IGSF3: variants seen among roughly 807,000 people sequenced by gnomAD.
IGSF3 encodes immunoglobulin superfamily member 3, also known as glu-Trp-Ile EWI motif-containing protein 3.
A neutral mutation model predicts 114.4 loss-of-function variants in IGSF3; 23 were observed. That is an observed-to-expected ratio of 0.20 (90% CI 0.14 to 0.28). The LOEUF (loss-of-function observed/expected upper bound fraction) is 0.28. Ranked by LOEUF, IGSF3 falls within the 10% of genes least tolerant of loss-of-function variation. The probability of loss-of-function intolerance (pLI) is 1.00; values close to 1 mark genes in which losing one functional copy is unlikely to be tolerated. For synonymous variants in IGSF3, 571 were observed against 645.2 expected (o/e 0.88, Z 1.74); for missense variants, 1,172 against 1,591.5 (o/e 0.74, Z 4.48).
At chr1:116,586,904 T>C (rs1659869076) in intron 8 of IGSF3, among the ~76,000 whole-genome samples, 1 of 152,116 alleles carries the variant, frequency 6.6e-6, no homozygotes, top group Non-Finnish European at 1.5e-5. Context: ...TCAGGACATA[T>C]GTCACCGAAA....
chr1:116,640,192 A>G (rs1352198931), intron 2 of IGSF3, among the ~76,000 whole-genome samples: 1 of 152,246 alleles, frequency 6.6e-6, no homozygotes, highest in African/African-American at 2.4e-5. Flanking sequence ...AGTTTATCAG[A>G]AGATGGACAA....
chr1:116,589,391 TCTAG>T lies in IGSF3; in HGVS notation c.2030-291_2030-288del, dbSNP rs1235577636. On this transcript the variant is annotated intron_variant, in intron 7 of 10. Transcript: ENST00000369486. The surrounding 1 kb of genome is among the most constrained non-coding windows in gnomAD (Gnocchi z 5.7). The stretch of plus-strand genomic sequence containing the variant: ...AAGGGTGATCCTGCTGAAATACAAA[TCTAG>T]CTATATCAGGTCTCTGCTTGAAAAG... 2.0e-5 allele frequency among the ~76,000 whole-genome samples: 3 copies of T among 152,128 alleles called. No homozygotes were observed. The highest frequency in any genetic ancestry group is 2.0e-4 in the Admixed American group (3 of 15,290).
Position 116,647,507 on chromosome 1 carries a change from C to T in IGSF3, c.43+18777G>A, listed in dbSNP as rs1648433639. On this transcript the variant is annotated intron_variant, in intron 2 of 10. Transcript: ENST00000369486. This position sits in a 1 kb window ranked among gnomAD's most constrained non-coding sequence, Gnocchi z 4.6. ...ACAACCACCATTTATTGAGCCCTTACTATGTGCCAGACCGATGCTAAGTGC... is the reference window on the plus strand; with the variant it reads ...ACAACCACCATTTATTGAGCCCTTATTATGTGCCAGACCGATGCTAAGTGC... Among the ~76,000 whole-genome samples, 1 of 152,238 alleles carries T rather than the reference C, an allele frequency of 6.6e-6. No individual in the cohort carries two copies. Among genetic ancestry groups the T allele is most frequent in the Non-Finnish European group, 1.5e-5 (1 of 68,036 alleles).
At chr1:116,586,737 T>C (rs1659861242) in intron 8 of IGSF3, among the ~76,000 whole-genome samples, 1 of 152,086 alleles carries the variant, frequency 6.6e-6, no homozygotes, top group African/African-American at 2.4e-5. Flanking sequence ...AAAATGGTGA[T>C]GACTAGAGTG....
At position 116,664,759 on chromosome 1, in the gene IGSF3, CA is replaced by C. The variant is rs1399035240; in HGVS notation, c.43+1524del. Among the ~76,000 whole-genome samples, 2 of 152,222 alleles carry C rather than the reference CA, an allele frequency of 1.3e-5. No homozygotes were observed. Among genetic ancestry groups the C allele is most frequent in the Admixed American group, 1.3e-4 (2 of 15,284 alleles). ...GCCTGTATCCCAGCCCACAGCTGAA[CA>C]GAAGACTAACTAAACTACCAGCAGG... On this transcript the variant is annotated intron_variant, in intron 2 of 10. Coordinates refer to ENST00000369486, the MANE Select transcript of IGSF3 (RefSeq NM_001007237.3). This position sits in a 1 kb window ranked among gnomAD's most constrained non-coding sequence, Gnocchi z 4.6.
chr1:116,661,677 C>T lies in IGSF3; in HGVS notation c.43+4607G>A, dbSNP rs890270605. Among the ~76,000 whole-genome samples, 4 of 152,170 alleles carry T rather than the reference C, an allele frequency of 2.6e-5. No homozygotes were observed. Among genetic ancestry groups the T allele is most frequent in the African/African-American group, 7.2e-5 (3 of 41,442 alleles). On this transcript the variant is annotated intron_variant, in intron 2 of 10. Transcript: ENST00000369486. This position sits in a 1 kb window ranked among gnomAD's most constrained non-coding sequence, Gnocchi z 4.0. ...GTCCTGGCTTCAAAACCCTACTCTG[C>T]CACTTTTTAGCTTTGTGACTATGGC...
rs554191210 is a variant in IGSF3 at position 116,656,859 on chromosome 1, C to T, written c.43+9425G>A. On this transcript the variant is annotated intron_variant, in intron 2 of 10. Coordinates refer to ENST00000369486, the MANE Select transcript of IGSF3 (RefSeq NM_001007237.3). Reference sequence around the variant, plus strand: ...AGGAGAATCACTCAAACCCGGGAGGCGGAGGTTGCAGTGAGCCAAGATTGT... The same window carrying T: ...AGGAGAATCACTCAAACCCGGGAGGTGGAGGTTGCAGTGAGCCAAGATTGT... 2.6e-5 allele frequency among the ~76,000 whole-genome samples: 4 copies of T among 152,132 alleles called. No homozygotes were observed. The South Asian group carries it at 6.2e-4, about 24-fold the overall frequency.
chr1:116,667,295 G>T (rs1046598616), intron 1 of IGSF3, among the ~76,000 whole-genome samples: 4 of 152,190 alleles, frequency 2.6e-5, no homozygotes, highest in African/African-American at 9.6e-5. Context: ...CGCGACTCCC[G>T]GCCCCCGCCC....
At chr1:116,606,354 A>G in intron 5 of IGSF3, 1 of 1,066,558 alleles carries the variant, frequency 9.4e-7, no homozygotes, top group South Asian at 1.5e-5. Flanking sequence ...GGCCTCTACG[A>G]GGATTTGAGA....
intron 2 of IGSF3, among the ~76,000 whole-genome samples, chr1:116,626,729 A>G (rs1204698754): frequency 6.6e-6 from 1 of 151,996 alleles, no homozygotes; most frequent in Admixed American, 6.5e-5. Flanking sequence ...CCTATCGCTC[A>G]TTTCTTTGAC....
rs1316228616 is a variant in IGSF3 at position 116,633,682 on chromosome 1, G to C, written c.44-17225C>G. ...CCTTCTGTCTTCTCCCTTCCTTCTT[G>C]TCTACTAAACTCTCTGTGCCTTAGA... On this transcript the variant is annotated intron_variant, in intron 2 of 10. Coordinates refer to ENST00000369486, the MANE Select transcript of IGSF3 (RefSeq NM_001007237.3). This position sits in a 1 kb window ranked among gnomAD's most constrained non-coding sequence, Gnocchi z 4.3. 6.6e-6 allele frequency among the ~76,000 whole-genome samples: 1 copy of C among 152,004 alleles called. No individual in the cohort carries two copies. The highest frequency in any genetic ancestry group is 6.5e-5 in the Admixed American group (1 of 15,272).
chr1:116,622,311 A>G (rs551971153), intron 2 of IGSF3, among the ~76,000 whole-genome samples: 5 of 152,354 alleles, frequency 3.3e-5, no homozygotes, highest in Non-Finnish European at 5.9e-5. Flanking sequence ...AATACTGTGA[A>G]AGCCACCAAA....
In IGSF3 at chr1:116,666,439, T is replaced by G; in HGVS notation, c.-113A>C. 2.1e-6 allele frequency: 2 copies of G among 973,716 alleles called. No individual in the cohort carries two copies. Among genetic ancestry groups the G allele is most frequent in the Middle Eastern group, 4.2e-4 (2 of 4,786 alleles). The allele number at this position is 973,716 out of a possible 1,614,324, so 60.3% of individuals were successfully genotyped here. On this transcript the variant is annotated 5_prime_UTR_variant, in exon 2 of 11. Coordinates refer to ENST00000369486, the MANE Select transcript of IGSF3 (RefSeq NM_001007237.3). ...CAGAGAACAGTTTTGGAAATAGAAC[T>G]TAACTCGGAAAATGGGAACAGATTA... is the stretch of plus-strand genomic sequence containing the variant.
At chr1:116,590,939 G>A (rs553945163) in intron 7 of IGSF3, among the ~76,000 whole-genome samples, 3 of 152,288 alleles carry the variant, frequency 2.0e-5, no homozygotes, top group East Asian at 3.9e-4. Context: ...GCAGTAAATC[G>A]GACATTCTCT....
At chr1:116,580,604 C>T (rs923653449) in intron 9 of IGSF3, among the ~76,000 whole-genome samples, 3 of 152,258 alleles carry the variant, frequency 2.0e-5, no homozygotes, top group Non-Finnish European at 4.4e-5. Context: ...AGCAAGAAGG[C>T]GCCGTCTGCG....
Position 116,584,665 on chromosome 1 carries a change from G to C in IGSF3, c.2828C>G (p.Ala943Gly), listed in dbSNP as rs1352185322. 1 of 1,614,076 alleles carries C rather than the reference G, an allele frequency of 6.2e-7. No individual in the cohort carries two copies. Among genetic ancestry groups the C allele is most frequent in the Admixed American group, 1.7e-5 (1 of 60,014 alleles). Residue 943 changes from alanine to glycine, a missense_variant, in exon 9 of 11, where the codon GCT (alanine) becomes GGT (glycine). Transcript: ENST00000369486. The surrounding 1 kb of genome is among the most constrained non-coding windows in gnomAD (Gnocchi z 5.8). ...CTCACCTGGTCGCATGACTGTCAGA[G>C]CTGTCTGCCCAGCGGTGTCCTCTGC... ...KRAEDTAGQT[A>G]LTVMRPDASL... is the part of the protein sequence containing the mutation.
rs561250315 is a variant in IGSF3, at chr1:116,584,202, A to G, written c.2848+443T>C. Among the ~76,000 whole-genome samples the G allele has an allele frequency of 4.7e-4, 71 of 152,326 alleles. 2 individuals carry two copies. In the East Asian group the frequency reaches 0.011, roughly 24 times the overall value. ...CAGAGTGAGACTCCGTTTCAAAAAA[A>G]AAAAAGTATTGGGAAGTGACAGAGT... On this transcript the variant is annotated intron_variant, in intron 9 of 10. Coordinates refer to ENST00000369486, the MANE Select transcript of IGSF3 (RefSeq NM_001007237.3). This position sits in a 1 kb window ranked among gnomAD's most constrained non-coding sequence, Gnocchi z 5.8.
Position 116,577,978 on chromosome 1 carries a change from G to A in IGSF3, c.3335-416C>T, listed in dbSNP as rs1442252085. 6.6e-6 allele frequency among the ~76,000 whole-genome samples: 1 copy of A among 152,156 alleles called. No individual in the cohort carries two copies. The highest frequency in any genetic ancestry group is 1.5e-5 in the Non-Finnish European group (1 of 68,030). Reference sequence around the variant, plus strand: ...TACAGACTTCCTTCTCTGGGATTATGACACAATCCCTTCCTGCCAGCTTCT... The same window carrying A: ...TACAGACTTCCTTCTCTGGGATTATAACACAATCCCTTCCTGCCAGCTTCT... On this transcript the variant is annotated intron_variant, in intron 10 of 10. Transcript: ENST00000369486. This position sits in a 1 kb window ranked among gnomAD's most constrained non-coding sequence, Gnocchi z 5.7.
At position 116,588,888 on chromosome 1, in the gene IGSF3, C is replaced by T. The variant is rs748086811; in HGVS notation, c.2246G>A (p.Gly749Asp). 1.2e-6 allele frequency: 2 copies of T among 1,614,192 alleles called. No homozygotes were observed. Among genetic ancestry groups the T allele is most frequent in the South Asian group, 1.1e-5 (1 of 91,082 alleles). Residue 749 changes from glycine (G) to aspartate (D), a missense_variant, in exon 8 of 11, where the codon GGC becomes GAC. Transcript: ENST00000369486. This position sits in a 1 kb window ranked among gnomAD's most constrained non-coding sequence, Gnocchi z 4.9. The part of the protein sequence containing the change: ...FEYGTYAEEE[G>D]LRARLQFERH... ...CTCAAACTGGAGCCTGGCTCTCAGG[C>T]CCTCCTCCTCGGCGTAAGTACCGTA...
Sources: gnomAD v4.1 joint callset for allele counts (sites outside exome capture counted in the v4.1 genomes callset) on GRCh38, gnomAD v4.1.1 for gene constraint, Gnocchi (gnomAD v3.1) non-coding constraint, MANE v1.5 for transcripts, NCBI Gene and HGNC (gene_info 2026-07-23, HGNC 2026-07-21) for gene names.